Variants in SFXN4 observed in about 807,000 individuals in gnomAD.
SFXN4 encodes the protein sideroflexin 4.
Under a neutral mutation model 54.6 loss-of-function variants are expected in SFXN4, and 48 were observed. That is an observed-to-expected ratio of 0.88 (90% confidence interval 0.70 to 1.12). The LOEUF is 1.12. SFXN4 is among the 50% of genes most tolerant of loss of function. The probability of loss-of-function intolerance (pLI) is 0.00; values close to 1 mark genes in which losing one functional copy is unlikely to be tolerated. For missense variants in SFXN4, 383 were observed against 409.2 expected, an observed-to-expected ratio of 0.94 and a Z score of 0.55; for synonymous variants, 130 against 145.5, an observed-to-expected ratio of 0.89 and a Z score of 0.77.
At chr10:119,143,419 T>C (rs1289732957) in intron 13 of SFXN4, among the ~76,000 whole-genome samples, 2 of 151,988 alleles carry the variant, frequency 1.3e-5, no homozygotes, top group African/African-American at 4.8e-5. Context: ...CATTGTAGCC[T>C]TGACCTCCCA....
chr10:119,154,400 G>A (rs1193475867), intron 11 of SFXN4, among the ~76,000 whole-genome samples: 1 of 152,088 alleles, frequency 6.6e-6, no homozygotes, highest in Admixed American at 6.6e-5. Flanking sequence ...TAATAGACAT[G>A]TACTGCCCAG....
chr10:119,158,166 A>T, intron 6 of SFXN4, 104 bp from the exon 7 acceptor site: 3 of 1,083,000 alleles, frequency 2.8e-6, no homozygotes, highest in Non-Finnish European at 4.3e-6. Context: ...GCCCCCAAGG[A>T]GCTGGGGCAG....
intron 5 of SFXN4, 45 bp downstream of exon 5, chr10:119,160,870 A>C: frequency 6.2e-7 from 1 of 1,600,172 alleles, no homozygotes; most frequent in Non-Finnish European, 8.6e-7. Flanking sequence ...AAGTGTTAGA[A>C]ACTACATCTT....
At chr10:119,155,402 C>T (rs1260458731) in intron 10 of SFXN4, among the ~76,000 whole-genome samples, 1 of 152,224 alleles carries the variant, frequency 6.6e-6, no homozygotes, top group East Asian at 1.9e-4. Flanking sequence ...ATCCTGACCA[C>T]AGCCTGGGAC....
intron 2 of SFXN4, among the ~76,000 whole-genome samples, chr10:119,163,278 T>C (rs1302079422): frequency 6.6e-6 from 1 of 152,094 alleles, no homozygotes; most frequent in Non-Finnish European, 1.5e-5. Context: ...TCACCCAGGA[T>C]GTGACCAGTT....
chr10:119,146,110 G>A (rs1643887456), intron 13 of SFXN4, 126 bp downstream of exon 13: 12 of 581,790 alleles, frequency 2.1e-5, no homozygotes, highest in Admixed American at 2.9e-5. Context: ...ACAGGTGTGA[G>A]CCACTGCACC....
At chr10:119,141,976 A>G (rs367664984) in intron 13 of SFXN4, among the ~76,000 whole-genome samples, 1 of 152,134 alleles carries the variant, frequency 6.6e-6, no homozygotes, top group East Asian at 1.9e-4. Context: ...CGAGATCAGG[A>G]GGATTGCTTG....
In SFXN4 at chr10:119,155,152, G is replaced by T; in HGVS notation, c.642C>A (p.Tyr214Ter). ...TAATGGATTCAAGACTTCGGGACAT[G>T]TAGACATTCATTCCACTGGCTTGCA... Reference protein sequence around the residue: ...FLVQASGMNVYMSRSLESIKG... With the variant: ...FLVQASGMNV Residue 214 changes from tyrosine to a stop codon, truncating the protein, a stop_gained, in exon 11 of 14, where the codon TAC (tyrosine) becomes TAA (stop). Transcript: ENST00000355697. LOFTEE classifies it high-confidence loss of function. The T allele has an allele frequency of 6.2e-7, 1 of 1,614,012 alleles. No individual in the cohort carries two copies. Among genetic ancestry groups the T allele is most frequent in the African/African-American group, 1.3e-5 (1 of 75,060 alleles).
In SFXN4 at chr10:119,141,332, T is replaced by TAA; in HGVS notation, c.937-15_937-14dup. The TAA allele has an allele frequency of 6.7e-7, 1 of 1,487,422 alleles. No individual in the cohort carries two copies. The highest frequency in any genetic ancestry group is 9.3e-7 in the Non-Finnish European group (1 of 1,080,276). The allele number at this position is 1,487,422 out of a possible 1,614,324, so 92.1% of individuals were successfully genotyped here. A position where few individuals can be genotyped will look rare whatever the true frequency, so the allele number is the denominator to read the frequency against. ...TACAGTACTGTATCTGAAAAATAGTTAAATTCATAATGTTTCTATTAATAG... is the reference window on the plus strand; with the variant it reads ...TACAGTACTGTATCTGAAAAATAGTTAAAAATTCATAATGTTTCTATTAATAG... On this transcript the variant is annotated splice_polypyrimidine_tract_variant and intron_variant, in intron 13 of 13. Transcript: ENST00000355697.
At chr10:119,143,590 A>G (rs1012112167) in intron 13 of SFXN4, among the ~76,000 whole-genome samples, 1 of 150,992 alleles carries the variant, frequency 6.6e-6, no homozygotes, top group Non-Finnish European at 1.5e-5. Context: ...TGATCCTCCC[A>G]CCTCGGCCTC....
In SFXN4 at chr10:119,158,206, C is replaced by A. The variant is rs552733261; in HGVS notation, c.361-144G>T. 1.8e-4 allele frequency: 131 copies of A among 731,562 alleles called. No homozygotes were observed. In the South Asian group the frequency reaches 1.9e-3, roughly 11 times the overall value. 45.3% of individuals were successfully genotyped at this position (731,562 alleles called of 1,614,324 possible). On this transcript the variant is annotated intron_variant, in intron 6 of 13. Transcript: ENST00000355697. ...GGATGGTGGTGGGTACAGGGGCTGC[C>A]GGTCCGTAGACAAGGTTGAGTGAGC...
intron 10 of SFXN4, 63 bp from the exon 11 acceptor site, chr10:119,155,240 C>T (rs1847235312): frequency 4.2e-6 from 5 of 1,180,724 alleles, no homozygotes; most frequent in African/African-American, 1.5e-5. Context: ...AGCAAAGGAA[C>T]ATCTCTTTGG....
intron 2 of SFXN4, 56 bp from the exon 3 acceptor site, chr10:119,162,470 C>A: frequency 2.0e-6 from 3 of 1,466,634 alleles, no homozygotes; most frequent in Non-Finnish European, 2.9e-6. Flanking sequence ...CAGGTTTATC[C>A]CCAGAGGTAG....
In SFXN4 at chr10:119,146,460, TGCAC is replaced by T. The variant is rs372121974; in HGVS notation, c.819-111_819-108del. 3.0e-4 allele frequency: 170 copies of T among 570,720 alleles called. 1 individual carries two copies. Among genetic ancestry groups the T allele is most frequent in the Admixed American group, 2.2e-3 (79 of 36,656 alleles). 35.4% of individuals were successfully genotyped at this position (570,720 alleles called of 1,614,324 possible). A position where few individuals can be genotyped will look rare whatever the true frequency, so the allele number is the denominator to read the frequency against. Reference sequence around the variant, plus strand: ...GTGTGTGTGTGTGTGTGTGTGTGTGTGCACGTGTGTGTGTACCTGAACACCTGGA... The same window carrying T: ...GTGTGTGTGTGTGTGTGTGTGTGTGTGTGTGTGTGTACCTGAACACCTGGA... On this transcript the variant is annotated intron_variant, in intron 12 of 13. Transcript: ENST00000355697.
chr10:119,146,394 A>G (rs2133573923), intron 12 of SFXN4, 41 bp from the exon 13 acceptor site: 1 of 1,233,188 alleles, frequency 8.1e-7, no homozygotes, highest in Middle Eastern at 1.9e-4. Context: ...ATGTTAAACT[A>G]TCAGGGCTTA....
chr10:119,144,993 T>A, intron 13 of SFXN4, among the ~76,000 whole-genome samples: 1 of 152,328 alleles, frequency 6.6e-6, no homozygotes, highest in Middle Eastern at 3.4e-3. Flanking sequence ...TTTTAAAAGA[T>A]TTCTTTTTAT....
At chr10:119,161,518 T>C (rs1011538737) in intron 3 of SFXN4, among the ~76,000 whole-genome samples, 5 of 151,976 alleles carry the variant, frequency 3.3e-5, no homozygotes, top group African/African-American at 1.2e-4. Flanking sequence ...CCACATTTGT[T>C]CTACCTTTCA....
At chr10:119,151,733 C>T (rs1467280803) in intron 11 of SFXN4, among the ~76,000 whole-genome samples, 1 of 151,842 alleles carries the variant, frequency 6.6e-6, no homozygotes, top group Non-Finnish European at 1.5e-5. Flanking sequence ...CCAGGCTGGT[C>T]TCAAACTCCT....
At chr10:119,145,821 TG>T (rs1846769123) in intron 13 of SFXN4, among the ~76,000 whole-genome samples, 1 of 152,150 alleles carries the variant, frequency 6.6e-6, no homozygotes, top group Non-Finnish European at 1.5e-5. Context: ...AATTGTATTT[TG>T]TTTTATTATT....
Sources: allele counts gnomAD v4.1 joint callset (sites outside exome capture counted in the v4.1 genomes callset), GRCh38; gene constraint gnomAD v4.1.1; transcripts MANE v1.5; gene names NCBI Gene and HGNC (gene_info 2026-07-23, HGNC 2026-07-21).